PIR: variants seen among roughly 807,000 people sequenced by gnomAD.
PIR encodes pirin.
PIR carries 22 observed loss-of-function variants against 24.2 expected under a neutral mutation model. That is an observed-to-expected ratio of 0.91 (90% CI 0.65 to 1.30). The LOEUF is 1.30. Among genes scored for constraint, PIR ranks in the 50% most tolerant of loss-of-function variants. The pLI, the probability that PIR is intolerant of heterozygous loss-of-function variation, is 0.00. For synonymous variants in PIR, 80 were observed against 79.6 expected, an observed-to-expected ratio of 1.00 and a Z score of -0.03; for missense variants, 220 against 220.3, an observed-to-expected ratio of 1.00 and a Z score of 0.01.
intron 5 of PIR, among the ~76,000 whole-genome samples, chrX:15,441,050 G>A (rs191218297): frequency 2.5e-3 from 284 of 111,782 alleles, no homozygotes; most frequent in African/African-American, 7.9e-3. Context: ...AAAGTGAAAT[G>A]AATGAGAATT....
chrX:15,418,676 A>AGGAAATAAAGAGAT (rs1224162300), intron 6 of PIR, among the ~76,000 whole-genome samples: 1 of 112,104 alleles, frequency 8.9e-6, no homozygotes, highest in African/African-American at 3.2e-5. Context: ...CCTAGCCTGA[A>AGGAAATAAAGAGAT]GGAAATAAAG....
At chrX:15,481,366 T>A (rs1294733912) in intron 2 of PIR, among the ~76,000 whole-genome samples, 1 of 111,973 alleles carries the variant, frequency 8.9e-6, no homozygotes, top group East Asian at 2.8e-4. Flanking sequence ...TTATATAAAT[T>A]TTAGGAAATT....
chrX:15,420,141 G>A (rs1421853431), intron 6 of PIR, among the ~76,000 whole-genome samples: 1 of 111,272 alleles, frequency 9.0e-6, no homozygotes, highest in African/African-American at 3.3e-5. Flanking sequence ...AGGTTGCAGT[G>A]AGCCGCGATC....
intron 4 of PIR, among the ~76,000 whole-genome samples, chrX:15,456,533 G>A (rs1441247327): frequency 8.9e-6 from 1 of 112,331 alleles, no homozygotes; most frequent in Non-Finnish European, 1.9e-5. Context: ...GAGACAATGT[G>A]GCCAAGTTTT....
chrX:15,451,520 C>T (rs1920966127), intron 5 of PIR, among the ~76,000 whole-genome samples: 1 of 111,503 alleles, frequency 9.0e-6, no homozygotes, highest in Non-Finnish European at 1.9e-5. Context: ...TTAGTAAGCT[C>T]ATTTTAAGCT....
At chrX:15,478,020 C>G (rs1569211056) in intron 3 of PIR, among the ~76,000 whole-genome samples, 1 of 82,728 alleles carries the variant, frequency 1.2e-5, no homozygotes, top group Admixed American at 1.5e-4. Flanking sequence ...GTATTCCCCC[C>G]CCCCCAGAAA....
At chrX:15,425,412 T>C (rs1294907173) in intron 6 of PIR, among the ~76,000 whole-genome samples, 2 of 85,389 alleles carry the variant, frequency 2.3e-5, no homozygotes, top group Middle Eastern at 5.5e-3. Context: ...TCTTTCTTTC[T>C]TTTTTTTTTT....
chrX:15,435,665 C>T (rs1925728880), intron 5 of PIR, among the ~76,000 whole-genome samples: 1 of 111,690 alleles, frequency 9.0e-6, no homozygotes, highest in African/African-American at 3.3e-5. Context: ...GGGCTTTGCA[C>T]TGGGGATAAA....
At chrX:15,394,066 T>C (rs1462741168) in intron 8 of PIR, among the ~76,000 whole-genome samples, 1 of 110,394 alleles carries the variant, frequency 9.1e-6, no homozygotes, top group East Asian at 2.8e-4. Flanking sequence ...GCCAAAAAGG[T>C]TGGGGACTGC....
intron 7 of PIR, among the ~76,000 whole-genome samples, chrX:15,405,396 G>A (rs1022225241): frequency 1.8e-5 from 2 of 112,325 alleles, no homozygotes; most frequent in African/African-American, 3.2e-5. Flanking sequence ...ATCTGTGGCC[G>A]CTTCTGTGAG....
chrX:15,385,822 A>T (rs1204930806), intron 9 of PIR, among the ~76,000 whole-genome samples: 1 of 112,199 alleles, frequency 8.9e-6, no homozygotes, highest in Non-Finnish European at 1.9e-5. Context: ...ATAAAACTTC[A>T]TTTACAAAAA....
At chrX:15,423,031 A>T (rs1233382674) in intron 6 of PIR, among the ~76,000 whole-genome samples, 1 of 112,107 alleles carries the variant, frequency 8.9e-6, no homozygotes, top group Non-Finnish European at 1.9e-5. Context: ...TGAGGAATAG[A>T]CAGTCTTTTC....
chrX:15,385,570 A>AT (rs1473125994), intron 9 of PIR, among the ~76,000 whole-genome samples: 2 of 112,382 alleles, frequency 1.8e-5, no homozygotes, highest in Non-Finnish European at 3.8e-5. Flanking sequence ...ATTCTAAGTC[A>AT]TTTTTTGAAA....
At chrX:15,483,969 T>G (rs745513335) in intron 2 of PIR, among the ~76,000 whole-genome samples, 1 of 112,546 alleles carries the variant, frequency 8.9e-6, no homozygotes, top group Admixed American at 9.4e-5. Context: ...AAAGAAATAC[T>G]TATTGTTTCT....
At chrX:15,472,080 G>C (rs1341940811) in intron 3 of PIR, among the ~76,000 whole-genome samples, 4 of 111,811 alleles carry the variant, frequency 3.6e-5, no homozygotes, top group Non-Finnish European at 7.5e-5. Flanking sequence ...ACCCAAGTAG[G>C]AGGCCTCAGC....
At chrX:15,402,135 G>C (rs1304091336) in intron 7 of PIR, among the ~76,000 whole-genome samples, 1 of 111,689 alleles carries the variant, frequency 9.0e-6, no homozygotes, top group Admixed American at 9.5e-5. Context: ...GCAACATAGG[G>C]AGACCCTGTC....
chrX:15,432,738 G>C (rs142711052), intron 5 of PIR, among the ~76,000 whole-genome samples: 1,204 of 112,404 alleles, frequency 0.011, 6 homozygotes, highest in Middle Eastern at 0.041. Context: ...TTAAAGAGAT[G>C]TCTTAAGCTA....
chrX:15,484,503 C>T (rs2316996), intron 2 of PIR, among the ~76,000 whole-genome samples: 45,847 of 107,036 alleles, frequency 0.43, 7,268 homozygotes, highest in East Asian at 0.46. Context: ...TTTGTAAAGA[C>T]GAGGTTTCAC....
intron 9 of PIR, among the ~76,000 whole-genome samples, chrX:15,386,107 T>C: frequency 8.9e-6 from 1 of 112,316 alleles, no homozygotes; most frequent in Non-Finnish European, 1.9e-5. Flanking sequence ...ACTCAGTGTA[T>C]GTCCTCATCC....
Sources: gnomAD v4.1 joint callset for allele counts (sites outside exome capture counted in the v4.1 genomes callset) on GRCh38, gnomAD v4.1.1 for gene constraint, MANE v1.5 for transcripts, NCBI Gene and HGNC (gene_info 2026-07-23, HGNC 2026-07-21) for gene names.